CD36: variants seen among roughly 807,000 people sequenced by gnomAD.
CD36 encodes the protein CD36 molecule (CD36 blood group).
Under a neutral mutation model 55.2 loss-of-function variants are expected in CD36, and 119 were observed. The ratio of observed to expected loss-of-function variants is 2.15; its 90% confidence interval spans 1.86 to 2.51. The LOEUF is 2.51. CD36 is among the 30% of genes most tolerant of loss of function. The pLI is 0.00. For synonymous variants in CD36, 186 were observed against 193.6 expected (o/e 0.96, Z 0.33); for missense variants, 819 against 555.5 (o/e 1.47, Z -4.77).
At chr7:80,670,871 A>T in intron 9 of CD36, 106 bp from the exon 10 acceptor site, 1 of 818,324 alleles carries the variant, frequency 1.2e-6, no homozygotes, top group Non-Finnish European at 2.0e-6. Context: ...ACAAGAATTT[A>T]AAAGAGTATA....
rs1274305305 is a variant in CD36, at chr7:80,678,555, A to G, written c.*2172A>G. The G allele has an allele frequency of 3.3e-5, 5 of 152,152 alleles. No individual in the cohort carries two copies. Among genetic ancestry groups the G allele is most frequent in the Admixed American group, 3.3e-4 (5 of 15,268 alleles). 9.4% of individuals were successfully genotyped at this position (152,152 alleles called of 1,614,324 possible). A position where few individuals can be genotyped will look rare whatever the true frequency, so the allele number is the denominator to read the frequency against. On this transcript the variant is annotated 3_prime_UTR_variant, in exon 15 of 15. Transcript: ENST00000447544. ...TCACGCAATGGTTATCTCTGAAAATATTTGTATTAAGATGTGTATACATGG... is the reference window on the plus strand; with the variant it reads ...TCACGCAATGGTTATCTCTGAAAATGTTTGTATTAAGATGTGTATACATGG...
intron 9 of CD36, 74 bp downstream of exon 9, chr7:80,670,096 A>T: frequency 1.1e-6 from 1 of 881,742 alleles, no homozygotes; most frequent in Non-Finnish European, 1.9e-6. Flanking sequence ...AGAAACTTAA[A>T]CACAGCATAG....
At chr7:80,637,033 T>C (rs565640612), upstream of CD36, 2 of 152,234 alleles carry the variant, frequency 1.3e-5, no homozygotes, top group South Asian at 4.1e-4. Flanking sequence ...AGGCATCTAT[T>C]TTGCATGTAT....
At chr7:80,656,981 C>G (rs908927739) in intron 4 of CD36, among the ~76,000 whole-genome samples, 1 of 151,928 alleles carries the variant, frequency 6.6e-6, no homozygotes, top group Non-Finnish European at 1.5e-5. Context: ...TTACCAGTAT[C>G]AAATAACTTC....
rs3211841 is a variant in CD36, at chr7:80,652,160, C to T, written c.121-4380C>T. On this transcript the variant is annotated intron_variant, in intron 3 of 14. Transcript: ENST00000447544. The stretch of plus-strand genomic sequence containing the variant: ...TAGCAGTATAAAAACGAATTAAACA[C>T]TATGTATATGTGCATATAGCTGTAA... 6.5e-3 allele frequency among the ~76,000 whole-genome samples: 985 copies of T among 152,144 alleles called. 12 individuals are homozygous for T. Among genetic ancestry groups the T allele is most frequent in the African/African-American group, 0.022 (920 of 41,508 alleles).
chr7:80,637,175 T>C (rs368354766), upstream of CD36, among the ~76,000 whole-genome samples: 1 of 152,066 alleles, frequency 6.6e-6, no homozygotes. Flanking sequence ...TTCTGAATTG[T>C]CATATTAGAG....
At chr7:80,609,252 C>A (rs1316093085) in intron 1 of CD36, among the ~76,000 whole-genome samples, 1 of 152,114 alleles carries the variant, frequency 6.6e-6, no homozygotes, top group South Asian at 2.1e-4. Context: ...TACACTGTAC[C>A]GAATCCTTAC....
intron 4 of CD36, 110 bp downstream of exon 4, chr7:80,656,810 C>A: frequency 2.1e-6 from 2 of 945,574 alleles, no homozygotes; most frequent in South Asian, 1.4e-5. Flanking sequence ...TATTTTCTTG[C>A]CAAAAATATA....
intron 1 of CD36, among the ~76,000 whole-genome samples, chr7:80,611,336 G>A (rs1344383788): frequency 6.6e-6 from 1 of 152,098 alleles, no homozygotes. Context: ...GTCGTCCCGT[G>A]TCATTTTGCA....
rs532570647 is a variant in CD36 at position 80,630,192 on chromosome 7, G to C, written c.-183-15896G>C. 3.3e-5 allele frequency among the ~76,000 whole-genome samples: 5 copies of C among 152,118 alleles called. No homozygotes were observed. The East Asian group carries it at 9.7e-4, about 29-fold the overall frequency. On this transcript the variant is annotated intron_variant, in intron 1 of 13. Coordinates refer to the CD36 transcript ENST00000309881. ...GAAATATTTTTTGATGATATTTGCA[G>C]ACCCATCATTGTGTGTCAAACTGTC...
intron 8 of CD36, among the ~76,000 whole-genome samples, chr7:80,666,982 A>G (rs1797150251): frequency 6.6e-6 from 1 of 152,228 alleles, no homozygotes; most frequent in Non-Finnish European, 1.5e-5. Flanking sequence ...GAAAACAATA[A>G]CAAAGTCAGA....
intron 11 of CD36, among the ~76,000 whole-genome samples, chr7:80,672,362 T>C (rs1246477084): frequency 3.3e-5 from 5 of 151,984 alleles, no homozygotes; most frequent in Non-Finnish European, 7.4e-5. Context: ...TTTAATCATC[T>C]TTATTTTTGT....
At chr7:80,653,636 T>C (rs1795794909) in intron 3 of CD36, among the ~76,000 whole-genome samples, 1 of 152,176 alleles carries the variant, frequency 6.6e-6, no homozygotes. Flanking sequence ...GTGTACATAC[T>C]TACCAGCTTT....
intron 4 of CD36, among the ~76,000 whole-genome samples, chr7:80,660,388 C>G (rs1274807720): frequency 6.6e-6 from 1 of 152,036 alleles, no homozygotes; most frequent in Non-Finnish European, 1.5e-5. Context: ...TAAAGAAGTC[C>G]TGAAAAAGGG....
At chr7:80,662,397 G>A (rs1796610654) in intron 5 of CD36, 1 of 224,542 alleles carries the variant, frequency 4.5e-6, no homozygotes, top group Non-Finnish European at 9.8e-6. Flanking sequence ...TCTTCACCCT[G>A]GAGATGCTGT....
intron 1 of CD36, among the ~76,000 whole-genome samples, chr7:80,624,730 T>C (rs979543316): frequency 7.2e-5 from 11 of 151,968 alleles, no homozygotes; most frequent in Admixed American, 6.6e-4. Context: ...AATACAGTAA[T>C]ACAATAGTAG....
chr7:80,633,249 AGATGGCCTGTAAAATTTACATAAT>A (rs1490129375), intron 1 of CD36: 1 of 152,056 alleles, frequency 6.6e-6, no homozygotes, highest in Admixed American at 6.6e-5. Flanking sequence ...CAACATTTTT[AGATGGCCTGTAAAATTTACATAAT>A]GATTTGGCCA....
At position 80,663,016 on chromosome 7, in the gene CD36, A is replaced by G. The variant is rs543785881; in HGVS notation, c.456A>G (p.Gln152=). Residue 152 remains glutamine (Q), a synonymous_variant, in exon 6 of 15, where the codon CAA becomes CAG. Coordinates refer to ENST00000447544, the MANE Select transcript of CD36 (RefSeq NM_001001548.3). ...VAAASHIYQN[Q]FVQMILNSLI... is the part of the protein sequence containing the mutation. ...CTGCATCCCATATCTATCAAAATCAATTTGTTCAAATGATCCTCAATTCAC... is the reference window on the plus strand; with the variant it reads ...CTGCATCCCATATCTATCAAAATCAGTTTGTTCAAATGATCCTCAATTCAC... The G allele has an allele frequency of 6.8e-5, 109 of 1,613,340 alleles. No individual in the cohort carries two copies. The South Asian group carries it at 1.0e-3, about 15-fold the overall frequency.
rs2116871482 is a variant in CD36 at position 80,671,969 on chromosome 7, G to A, written c.1054G>A (p.Asp352Asn). ...SLPHFLYASP[D>N]VSEPIDGLNP... ...TCCTCATTTTCTGTATGCAAGTCCT[G>A]ATGTTTCAGAACCTATTGATGGATT... The change falls in exon 11 of 15, where the codon GAT becomes AAT. Residue 352 changes from aspartate to asparagine, a missense_variant. Transcript: ENST00000447544. 5 of 1,610,038 alleles carry A rather than the reference G, an allele frequency of 3.1e-6. 1 individual carries two copies. The highest frequency in any genetic ancestry group is 1.7e-4 in the Middle Eastern group (1 of 5,942).
Sources: gnomAD v4.1 joint callset for allele counts (sites outside exome capture counted in the v4.1 genomes callset) on GRCh38, gnomAD v4.1.1 for gene constraint, MANE v1.5 for transcripts, NCBI Gene and HGNC (gene_info 2026-07-23, HGNC 2026-07-21) for gene names.